GRID2: variants seen among roughly 807,000 people sequenced by gnomAD.
The protein encoded by GRID2 is glutamate receptor ionotropic, delta-2.
Under a neutral mutation model 114.8 loss-of-function variants are expected in GRID2, and 33 were observed. That is an observed-to-expected ratio of 0.29 (90% CI 0.22 to 0.38). The LOEUF (loss-of-function observed/expected upper bound fraction) is 0.38, where lower values mean the gene tolerates loss of function less well. Among genes scored for constraint, GRID2 ranks in the 10% least tolerant of loss-of-function variants. The pLI, the probability that GRID2 is intolerant of heterozygous loss-of-function variation, is 1.00. For missense variants in GRID2, 1,184 were observed against 1,257.7 expected, an observed-to-expected ratio of 0.94 and a Z score of 0.89; for synonymous variants, 505 against 449.9, an observed-to-expected ratio of 1.12 and a Z score of -1.55.
chr4:93,153,134 A>C (rs1353261117), intron 4 of GRID2, among the ~76,000 whole-genome samples: 1 of 152,264 alleles, frequency 6.6e-6, no homozygotes, highest in Non-Finnish European at 1.5e-5. Context: ...AGACTCAAAA[A>C]AGACTGGAGG....
At chr4:93,084,272 G>T (rs1730137351) in intron 2 of GRID2, among the ~76,000 whole-genome samples, 1 of 152,044 alleles carries the variant, frequency 6.6e-6, no homozygotes, top group South Asian at 2.1e-4. Flanking sequence ...ACATAGAAGA[G>T]TTAAAGTGAA....
intron 1 of GRID2, among the ~76,000 whole-genome samples, chr4:92,515,769 A>G (rs1698208537): frequency 6.6e-6 from 1 of 151,954 alleles, no homozygotes; most frequent in South Asian, 2.1e-4. Flanking sequence ...ATAATTGGAT[A>G]CATTCTGTGA....
intron 8 of GRID2, among the ~76,000 whole-genome samples, chr4:93,333,914 T>C (rs1241162112): frequency 6.6e-6 from 1 of 152,200 alleles, no homozygotes; most frequent in Non-Finnish European, 1.5e-5. Flanking sequence ...TTAATAATAA[T>C]AGCATCATTT....
intron 14 of GRID2, among the ~76,000 whole-genome samples, chr4:93,678,651 A>C (rs369736743): frequency 3.9e-4 from 59 of 152,178 alleles, no homozygotes; most frequent in South Asian, 1.0e-3. Flanking sequence ...GAATTTTCAA[A>C]CCAGAATTTC....
intron 1 of GRID2, among the ~76,000 whole-genome samples, chr4:92,372,584 C>T (rs1419637672): frequency 2.0e-5 from 3 of 152,124 alleles, no homozygotes; most frequent in Non-Finnish European, 4.4e-5. Flanking sequence ...TTAGTGTAAA[C>T]GTGACTCTTG....
intron 8 of GRID2, among the ~76,000 whole-genome samples, chr4:93,286,565 A>C (rs914290783): frequency 6.6e-6 from 1 of 151,924 alleles, no homozygotes; most frequent in African/African-American, 2.4e-5. Context: ...CTCACCAACA[A>C]ACACTAATAT....
At chr4:92,797,255 G>T (rs1248753681) in intron 2 of GRID2, among the ~76,000 whole-genome samples, 4 of 151,884 alleles carry the variant, frequency 2.6e-5, no homozygotes, top group Admixed American at 1.3e-4. Context: ...AACCATGAGG[G>T]ATCACTTTTA....
intron 1 of GRID2, among the ~76,000 whole-genome samples, chr4:92,316,653 G>A (rs1725998033): frequency 6.6e-6 from 1 of 152,030 alleles, no homozygotes; most frequent in South Asian, 2.1e-4. Context: ...TATAACATTA[G>A]GAAGCTGAAG....
chr4:93,003,436 A>G (rs1459765291), intron 2 of GRID2, among the ~76,000 whole-genome samples: 5 of 151,954 alleles, frequency 3.3e-5, no homozygotes, highest in Non-Finnish European at 7.4e-5. Flanking sequence ...TTCTGCCTAC[A>G]TCTATCTAAA....
chr4:93,423,042 T>A, intron 10 of GRID2, 74 bp downstream of exon 10: 1 of 990,204 alleles, frequency 1.0e-6, no homozygotes, highest in Non-Finnish European at 1.6e-6. Flanking sequence ...GGTTCAACAG[T>A]AACACCTTGA....
At chr4:93,763,292 A>G (rs1733368114) in intron 14 of GRID2, among the ~76,000 whole-genome samples, 1 of 152,194 alleles carries the variant, frequency 6.6e-6, no homozygotes, top group Admixed American at 6.6e-5. Flanking sequence ...AGCTAAAGCT[A>G]GAGACATGTT....
At chr4:92,970,841 A>G (rs777149862) in intron 2 of GRID2, among the ~76,000 whole-genome samples, 6 of 151,958 alleles carry the variant, frequency 3.9e-5, no homozygotes, top group African/African-American at 7.2e-5. Context: ...ATAATATTAC[A>G]GTGCTTTTGA....
intron 2 of GRID2, among the ~76,000 whole-genome samples, chr4:92,956,149 C>T (rs967352000): frequency 6.6e-6 from 1 of 152,102 alleles, no homozygotes; most frequent in Non-Finnish European, 1.5e-5. Flanking sequence ...CTTCCTGTTC[C>T]CATATTAATA....
intron 2 of GRID2, among the ~76,000 whole-genome samples, chr4:92,989,997 C>T (rs745497864): frequency 2.6e-5 from 4 of 151,906 alleles, no homozygotes; most frequent in African/African-American, 7.3e-5. Context: ...CTGAAATCTC[C>T]GTGTTAAAAA....
chr4:92,801,046 A>G (rs1463078112), intron 2 of GRID2, among the ~76,000 whole-genome samples: 1 of 152,022 alleles, frequency 6.6e-6, no homozygotes, highest in Non-Finnish European at 1.5e-5. Flanking sequence ...AATGTGTCAC[A>G]TAGCACCTGG....
rs142928102 is a variant in GRID2, at chr4:93,341,593, G to A, written c.1246-54014G>A. On this transcript the variant is annotated intron_variant, in intron 8 of 15. Coordinates refer to ENST00000282020, the MANE Select transcript of GRID2 (RefSeq NM_001510.4). Reference sequence around the variant, plus strand: ...CCATTCTCAGCCTGCCAAACTGCTAGGATTATAGGCGTGAGCCACTGTTCC... The same window carrying A: ...CCATTCTCAGCCTGCCAAACTGCTAAGATTATAGGCGTGAGCCACTGTTCC... 1.1e-4 allele frequency among the ~76,000 whole-genome samples: 16 copies of A among 152,308 alleles called. 1 individual carries two copies. The highest frequency in any genetic ancestry group is 1.5e-4 in the Non-Finnish European group (10 of 68,020).
At chr4:92,436,230 A>G (rs1732729566) in intron 1 of GRID2, among the ~76,000 whole-genome samples, 1 of 152,134 alleles carries the variant, frequency 6.6e-6, no homozygotes, top group Non-Finnish European at 1.5e-5. Flanking sequence ...TCATTATTTA[A>G]AACACCTTTT....
chr4:92,397,792 G>A (rs1237164787), intron 1 of GRID2, among the ~76,000 whole-genome samples: 1 of 152,054 alleles, frequency 6.6e-6, no homozygotes, highest in Non-Finnish European at 1.5e-5. Context: ...GGTTAATGAA[G>A]AGAACATATC....
At chr4:93,611,254 T>G (rs1450096238) in intron 13 of GRID2, among the ~76,000 whole-genome samples, 22 of 108,892 alleles carry the variant, frequency 2.0e-4, no homozygotes, top group Admixed American at 1.9e-3. Context: ...GTTGATCCTT[T>G]CAAAAAACCA....
Sources: gnomAD v4.1 joint callset for allele counts (sites outside exome capture counted in the v4.1 genomes callset) on GRCh38, gnomAD v4.1.1 for gene constraint, MANE v1.5 for transcripts, NCBI Gene and HGNC (gene_info 2026-07-23, HGNC 2026-07-21) for gene names.